GABRA3: variants seen among roughly 807,000 people sequenced by gnomAD.
The protein encoded by GABRA3 is gamma-aminobutyric acid type A receptor subunit alpha3.
In GABRA3, 10 loss-of-function variants were observed where a neutral mutation model predicts 30.1. The observed-to-expected ratio is 0.33, with a 90% CI of 0.20 to 0.56. The LOEUF (loss-of-function observed/expected upper bound fraction) is 0.56. Among genes scored for constraint, GABRA3 ranks in the 20% least tolerant of loss-of-function variants. The pLI, the probability that GABRA3 is intolerant of heterozygous loss-of-function variation, is 0.89. For synonymous variants in GABRA3, 151 were observed against 146.8 expected (o/e 1.03, Z -0.21); for missense variants, 233 against 392.0 (o/e 0.59, Z 3.42).
intron 3 of GABRA3, among the ~76,000 whole-genome samples, chrX:152,327,911 G>A (rs1348020114): frequency 9.0e-6 from 1 of 111,287 alleles, no homozygotes; most frequent in Non-Finnish European, 1.9e-5. Context: ...AAGAATCCAG[G>A]AGCAGGTTTT....
intron 1 of GABRA3, among the ~76,000 whole-genome samples, chrX:152,416,842 A>C (rs1930237091): frequency 9.3e-6 from 1 of 107,807 alleles, no homozygotes; most frequent in Non-Finnish European, 1.9e-5. Flanking sequence ...CTGAAACTGG[A>C]TCCCTTCCTT....
At chrX:152,233,477 C>T (rs906637906) in intron 5 of GABRA3, among the ~76,000 whole-genome samples, 1 of 109,336 alleles carries the variant, frequency 9.1e-6, no homozygotes, top group African/African-American at 3.4e-5. Flanking sequence ...CAGAGAAATG[C>T]AAATCAAAAC....
At position 152,202,213 on chromosome X, in the gene GABRA3, G is replaced by A. The variant is rs777375949; in HGVS notation, c.779-4428C>T. ...CAGCCATACCAATCAGAACATCCAC[G>A]GATTGTGGGTCCTTTCTCTGGCCCA... On this transcript the variant is annotated intron_variant, in intron 7 of 9. Coordinates refer to ENST00000370314, the MANE Select transcript of GABRA3 (RefSeq NM_000808.4). Among the ~76,000 whole-genome samples, 18 of 111,779 alleles carry A rather than the reference G, an allele frequency of 1.6e-4. No homozygotes were observed. In the East Asian group the frequency reaches 4.0e-3, roughly 25 times the overall value.
In GABRA3 at chrX:152,303,321, C is replaced by T. The variant is rs183000855; in HGVS notation, c.263-18586G>A. On this transcript the variant is annotated intron_variant, in intron 3 of 9. Coordinates refer to ENST00000370314, the MANE Select transcript of GABRA3 (RefSeq NM_000808.4). ...TAAAAAGTCAGGAAACAACAGATGC[C>T]GGCCAGGATGTGGAGGAATAGGAAC... is the stretch of plus-strand genomic sequence containing the variant. Among the ~76,000 whole-genome samples the T allele has an allele frequency of 3.6e-5, 4 of 111,639 alleles. No individual in the cohort carries two copies. The East Asian group carries it at 8.5e-4, about 24-fold the overall frequency.
At chrX:152,282,658 G>A (rs1939219469) in intron 4 of GABRA3, among the ~76,000 whole-genome samples, 1 of 111,703 alleles carries the variant, frequency 9.0e-6, no homozygotes, top group African/African-American at 3.3e-5. Flanking sequence ...AGTCCCAATT[G>A]TTAGAAACGT....
intron 8 of GABRA3, among the ~76,000 whole-genome samples, chrX:152,192,903 C>T (rs1452204793): frequency 8.9e-6 from 1 of 112,205 alleles, no homozygotes; most frequent in African/African-American, 3.2e-5. Flanking sequence ...TTCTCAACCT[C>T]TTCTCTGAAT....
intron 6 of GABRA3, among the ~76,000 whole-genome samples, chrX:152,220,712 G>A (rs1937817143): frequency 9.0e-6 from 1 of 111,542 alleles, no homozygotes; most frequent in African/African-American, 3.3e-5. Flanking sequence ...TCCTCACCAA[G>A]AAGTGGTATT....
chrX:152,270,029 G>A (rs1349106360), intron 4 of GABRA3, among the ~76,000 whole-genome samples: 1 of 112,003 alleles, frequency 8.9e-6, no homozygotes, highest in African/African-American at 3.2e-5. Context: ...CAAAGAAAAT[G>A]AAACAATCTT....
Position 152,348,982 on chromosome X carries a change from C to G in GABRA3, c.141-3280G>C, listed in dbSNP as rs147729763. Among the ~76,000 whole-genome samples the G allele has an allele frequency of 9.8e-4, 109 of 111,407 alleles. No homozygotes were observed. In the East Asian group the frequency reaches 0.026, roughly 27 times the overall value. ...AAGACAACAATGAAGTTTGCCTCAT[C>G]AATTGACTCTTCTTTTCACAAAAGA... is the stretch of plus-strand genomic sequence containing the variant. On this transcript the variant is annotated intron_variant, in intron 2 of 9. Transcript: ENST00000370314.
At chrX:152,360,012 C>A (rs928917637) in intron 2 of GABRA3, among the ~76,000 whole-genome samples, 2 of 102,996 alleles carry the variant, frequency 1.9e-5, no homozygotes, top group South Asian at 4.8e-4. Flanking sequence ...TTTTTTATGG[C>A]TGCATAGTAT....
Position 152,221,318 on chromosome X carries a change from ATC to A in GABRA3, c.634+3443_634+3444del, listed in dbSNP as rs199942213. The stretch of plus-strand genomic sequence containing the variant: ...TCATGTGATGTAAGAGTCAAGATGA[ATC>A]TCTCTCTCTGTCTCTCTCTCTCTCG... On this transcript the variant is annotated intron_variant, in intron 6 of 9. Coordinates refer to ENST00000370314, the MANE Select transcript of GABRA3 (RefSeq NM_000808.4). Among the ~76,000 whole-genome samples the A allele has an allele frequency of 2.7e-5, 3 of 110,014 alleles. No homozygotes were observed. The East Asian group carries it at 8.9e-4, about 33-fold the overall frequency.
intron 1 of GABRA3, among the ~76,000 whole-genome samples, chrX:152,403,320 A>C (rs1283643640): frequency 8.9e-6 from 1 of 111,797 alleles, no homozygotes; most frequent in African/African-American, 3.2e-5. Flanking sequence ...ACAATAACCA[A>C]CTAGAGAATG....
intron 7 of GABRA3, among the ~76,000 whole-genome samples, chrX:152,199,223 G>C (rs975225285): frequency 1.9e-5 from 2 of 106,903 alleles, no homozygotes; most frequent in Non-Finnish European, 3.9e-5. Context: ...AATATTAGCC[G>C]GGTGTGGTGG....
chrX:152,201,400 G>T (rs1469647450), intron 7 of GABRA3, among the ~76,000 whole-genome samples: 3 of 112,040 alleles, frequency 2.7e-5, no homozygotes, highest in African/African-American at 9.7e-5. Flanking sequence ...TCATAAATTA[G>T]TTATTATCTA....
intron 1 of GABRA3, among the ~76,000 whole-genome samples, chrX:152,413,357 GA>G (rs892700886): frequency 1.8e-5 from 2 of 111,103 alleles, no homozygotes; most frequent in African/African-American, 6.5e-5. Context: ...GGGCAGTACA[GA>G]AAAAAAGGAA....
At chrX:152,343,819 T>C (rs1159596192) in intron 3 of GABRA3, among the ~76,000 whole-genome samples, 4 of 112,507 alleles carry the variant, frequency 3.6e-5, no homozygotes, top group African/African-American at 9.7e-5. Context: ...TGTAGTAATT[T>C]CAAAATATTT....
intron 1 of GABRA3, among the ~76,000 whole-genome samples, chrX:152,397,006 A>T (rs1929677402): frequency 8.9e-6 from 1 of 111,962 alleles, no homozygotes; most frequent in African/African-American, 3.2e-5. Context: ...TATTACAGTG[A>T]CAAAGGGCAA....
rs1206839588 is a variant in GABRA3 at position 152,274,267 on chromosome X, C to T, written c.330+10401G>A. 5.4e-5 allele frequency among the ~76,000 whole-genome samples: 6 copies of T among 110,578 alleles called. No individual in the cohort carries two copies. The Admixed American group carries it at 5.8e-4, about 11-fold the overall frequency. ...ACGATAAGTGAAAGACCAATCAGAC[C>T]AATAATTTGTAAGTTTAAAAAATTA... On this transcript the variant is annotated intron_variant, in intron 4 of 9. Coordinates refer to ENST00000370314, the MANE Select transcript of GABRA3 (RefSeq NM_000808.4).
chrX:152,315,386 G>C lies in GABRA3; in HGVS notation c.262+30195C>G, dbSNP rs1306956187. On this transcript the variant is annotated intron_variant, in intron 3 of 9. Transcript: ENST00000370314. ...TCCTCAGGAAAGCCATTTCTGACTT[G>C]TCTCACAGAGGTCTTTGGGGAGGGC... Among the ~76,000 whole-genome samples, 3 of 111,154 alleles carry C rather than the reference G, an allele frequency of 2.7e-5. No individual in the cohort carries two copies. The Admixed American group carries it at 2.9e-4, about 11-fold the overall frequency.
Sources: allele counts gnomAD v4.1 joint callset (sites outside exome capture counted in the v4.1 genomes callset), GRCh38; gene constraint gnomAD v4.1.1; transcripts MANE v1.5; gene names NCBI Gene and HGNC (gene_info 2026-07-23, HGNC 2026-07-21).